The following INSYN2B variants were observed in gnomAD, a reference collection of about 807,000 sequenced individuals.
The protein encoded by INSYN2B is protein INSYN2B.
A neutral mutation model predicts 41.2 loss-of-function variants in INSYN2B; 16 were observed. The observed-to-expected ratio is 0.39, with a 90% CI of 0.26 to 0.59. The LOEUF (loss-of-function observed/expected upper bound fraction) is 0.59. Among genes scored for constraint, INSYN2B ranks in the 20% least tolerant of loss-of-function variants. The pLI is 0.57. For missense variants in INSYN2B, 608 were observed against 646.4 expected, an observed-to-expected ratio of 0.94 and a Z score of 0.64; for synonymous variants, 245 against 244.4, an observed-to-expected ratio of 1.00 and a Z score of -0.02.
chr5:169,971,288 C>A (rs1777499087), intron 1 of INSYN2B, among the ~76,000 whole-genome samples: 1 of 152,050 alleles, frequency 6.6e-6, no homozygotes, highest in African/African-American at 2.4e-5. Context: ...GAGAAGGAGC[C>A]AGCCTGCCGG....
At chr5:169,868,756 A>G (rs554191173) in intron 3 of INSYN2B, among the ~76,000 whole-genome samples, 5 of 152,320 alleles carry the variant, frequency 3.3e-5, no homozygotes, top group African/African-American at 1.2e-4. Context: ...AGTTGTCCCC[A>G]TCTCAAAAAG....
chr5:169,935,821 G>A (rs1048471195), intron 1 of INSYN2B, among the ~76,000 whole-genome samples: 4 of 152,148 alleles, frequency 2.6e-5, no homozygotes, highest in East Asian at 1.9e-4. Flanking sequence ...CTGGTAGAAC[G>A]AGACATTATA....
In INSYN2B at chr5:169,866,332, T is replaced by C. The variant is rs533483912; in HGVS notation, c.1422-1873A>G. On this transcript the variant is annotated intron_variant, in intron 3 of 3. Coordinates refer to ENST00000377365, the MANE Select transcript of INSYN2B (RefSeq NM_001129891.3). ...TGTATTGTGGATGAAACATAGGCTG[T>C]GGTTTTTAAAGCAAAGCCCCACAGT... 2.7e-3 allele frequency among the ~76,000 whole-genome samples: 405 copies of C among 152,314 alleles called. 1 individual carries two copies. Among genetic ancestry groups the C allele is most frequent in the Admixed American group, 5.8e-3 (89 of 15,304 alleles).
intron 1 of INSYN2B, among the ~76,000 whole-genome samples, chr5:169,956,041 A>G (rs1251183818): frequency 6.9e-6 from 1 of 145,124 alleles, no homozygotes; most frequent in Non-Finnish European, 1.5e-5. Flanking sequence ...ATAGATTTGA[A>G]AAAAAAAAAA....
Position 169,881,377 on chromosome 5 carries a change from A to G in INSYN2B, c.1412T>C (p.Ile471Thr). The G allele has an allele frequency of 6.4e-7, 1 of 1,551,398 alleles. No individual in the cohort carries two copies. The highest frequency in any genetic ancestry group is 8.7e-7 in the Non-Finnish European group (1 of 1,146,774). ...GCTTGTGGCCAGGTACCTGTATATG[A>G]TGCACGCCGTGTTCTGGCAGGTACT... ...NCSTCQNTAC[I>T]IYSVEYDFRQ... The change falls in exon 3 of 4, where the codon ATC (isoleucine) becomes ACC (threonine). Residue 471 changes from isoleucine to threonine, a missense_variant. Physicochemically the swap from Ile to Thr is moderately conservative, Grantham distance 89 (BLOSUM62 -1). Transcript: ENST00000377365.
chr5:169,918,635 A>G (rs411348), intron 1 of INSYN2B, among the ~76,000 whole-genome samples: 61,151 of 151,878 alleles, frequency 0.4, 13,019 homozygotes, highest in African/African-American at 0.55. Context: ...AAACTAGACC[A>G]GGTGCAGTGG....
chr5:169,973,915 A>C (rs142916243), intron 1 of INSYN2B, among the ~76,000 whole-genome samples: 63 of 152,336 alleles, frequency 4.1e-4, no homozygotes, highest in African/African-American at 1.2e-3. Context: ...TCCGTCCATC[A>C]TCCATTCCTC....
At chr5:169,974,880 C>T (rs1342052180) in intron 1 of INSYN2B, among the ~76,000 whole-genome samples, 1 of 151,496 alleles carries the variant, frequency 6.6e-6, no homozygotes, top group Non-Finnish European at 1.5e-5. Flanking sequence ...GAGTTAGAAA[C>T]AGGATAATTA....
intron 1 of INSYN2B, among the ~76,000 whole-genome samples, chr5:169,925,640 C>T (rs1775406766): frequency 6.7e-6 from 1 of 149,218 alleles, no homozygotes; most frequent in Non-Finnish European, 1.5e-5. Context: ...GCAGCTCTGC[C>T]ATTGATTGGT....
At chr5:169,972,440 A>G (rs1481373267) in intron 1 of INSYN2B, among the ~76,000 whole-genome samples, 2 of 151,914 alleles carry the variant, frequency 1.3e-5, no homozygotes, top group Non-Finnish European at 2.9e-5. Context: ...TTTAACCAAT[A>G]GATGTCAGTA....
At chr5:169,951,916 T>G (rs939300097) in intron 1 of INSYN2B, among the ~76,000 whole-genome samples, 1 of 152,156 alleles carries the variant, frequency 6.6e-6, no homozygotes, top group African/African-American at 2.4e-5. Flanking sequence ...GCTCACAAAC[T>G]TCACTACCTT....
chr5:169,888,035 T>C (rs1208181181), intron 1 of INSYN2B, among the ~76,000 whole-genome samples: 1 of 152,100 alleles, frequency 6.6e-6, no homozygotes, highest in Admixed American at 6.5e-5. Flanking sequence ...TTGATACAAA[T>C]AAAGGCTGAA....
intron 3 of INSYN2B, among the ~76,000 whole-genome samples, chr5:169,866,057 A>G (rs949923188): frequency 7.0e-6 from 1 of 142,528 alleles, no homozygotes; most frequent in East Asian, 1.9e-4. Flanking sequence ...TTTTATAGCA[A>G]GACTGATGGG....
intron 1 of INSYN2B, among the ~76,000 whole-genome samples, chr5:169,893,824 A>T (rs1773436310): frequency 6.6e-6 from 1 of 152,224 alleles, no homozygotes. Flanking sequence ...AACATTTTCC[A>T]CATGGGAGAG....
chr5:169,867,798 G>A (rs561328809), intron 3 of INSYN2B, among the ~76,000 whole-genome samples: 71 of 152,174 alleles, frequency 4.7e-4, no homozygotes, highest in Non-Finnish European at 9.1e-4. Context: ...GTGTGGTGGA[G>A]TGGGTTTCTG....
chr5:169,881,626 T>C (rs1772660539), intron 2 of INSYN2B, among the ~76,000 whole-genome samples, 184 bp from the exon 3 acceptor site: 1 of 152,170 alleles, frequency 6.6e-6, no homozygotes, highest in African/African-American at 2.4e-5. Context: ...TAGAAGGCTT[T>C]ATACGTGTTA....
chr5:169,898,903 C>A (rs1444452677), intron 1 of INSYN2B, among the ~76,000 whole-genome samples: 2 of 152,148 alleles, frequency 1.3e-5, no homozygotes, highest in Non-Finnish European at 2.9e-5. Flanking sequence ...AAATGAGCAA[C>A]CACAGAGACT....
intron 1 of INSYN2B, among the ~76,000 whole-genome samples, chr5:169,958,186 C>T (rs1776944053): frequency 6.6e-6 from 1 of 151,682 alleles, no homozygotes; most frequent in African/African-American, 2.4e-5. Context: ...GAAATGAGGG[C>T]CTGGCTAAAT....
At chr5:169,947,193 T>C (rs777979311) in intron 1 of INSYN2B, among the ~76,000 whole-genome samples, 8 of 152,366 alleles carry the variant, frequency 5.3e-5, no homozygotes, top group Non-Finnish European at 1.2e-4. Context: ...TGATATGAAC[T>C]CAAGCAGTCT....
Sources: gnomAD v4.1 joint callset for allele counts (sites outside exome capture counted in the v4.1 genomes callset) on GRCh38, gnomAD v4.1.1 for gene constraint, MANE v1.5 for transcripts, NCBI Gene and HGNC (gene_info 2026-07-23, HGNC 2026-07-21) for gene names.